Variants in MOGAT1 observed in about 807,000 individuals in gnomAD.
MOGAT1 encodes the protein 2-acylglycerol O-acyltransferase 1.
In MOGAT1, 32 loss-of-function variants were observed where a neutral mutation model predicts 31.4. That is an observed-to-expected ratio of 1.02 (90% confidence interval 0.77 to 1.37). MOGAT1 has a LOEUF of 1.37. Among genes scored for constraint, MOGAT1 ranks in the 40% most tolerant of loss-of-function variants. MOGAT1 has a pLI of 0.00. For synonymous variants in MOGAT1, 145 were observed against 144.5 expected (o/e 1.00, Z -0.03); for missense variants, 426 against 402.0 (o/e 1.06, Z -0.51).
At chr2:222,677,390 C>A (rs1249650624) in intron 1 of MOGAT1, among the ~76,000 whole-genome samples, 1 of 152,228 alleles carries the variant, frequency 6.6e-6, no homozygotes, top group African/African-American at 2.4e-5. Context: ...ACCATCCTGG[C>A]TAACACGGTG....
intron 1 of MOGAT1, 25 bp from the exon 2 acceptor site, chr2:222,688,319 C>T: frequency 6.3e-7 from 1 of 1,581,852 alleles, no homozygotes; most frequent in Non-Finnish European, 8.6e-7. Flanking sequence ...AGACTGATTC[C>T]ATGAGACTTT....
At chr2:222,709,673 G>A (rs552291651) in intron 5 of MOGAT1, 63 bp from the exon 6 acceptor site, 65 of 1,484,098 alleles carry the variant, frequency 4.4e-5, no homozygotes, top group Non-Finnish European at 8.3e-6. Context: ...TGTGCATTAG[G>A]GGCGGCGGTC....
At chr2:222,707,399 G>C (rs1339768851) in intron 5 of MOGAT1, among the ~76,000 whole-genome samples, 7 of 139,806 alleles carry the variant, frequency 5.0e-5, no homozygotes, top group Non-Finnish European at 1.1e-4. Flanking sequence ...AAGAGAAAGA[G>C]GGAGGGAAGG....
At chr2:222,704,162 G>C (rs1692970023) in intron 5 of MOGAT1, among the ~76,000 whole-genome samples, 1 of 152,200 alleles carries the variant, frequency 6.6e-6, no homozygotes, top group South Asian at 2.1e-4. Flanking sequence ...CTATTTCTAA[G>C]AGCAGCCTGA....
In MOGAT1 at chr2:222,689,347, T is replaced by C. The variant is rs748597036; in HGVS notation, c.356T>C (p.Phe119Ser). 2.5e-6 allele frequency: 4 copies of C among 1,613,912 alleles called. No individual in the cohort carries two copies. In the African/African-American group the frequency reaches 5.3e-5, roughly 22 times the overall value. Residue 119 changes from phenylalanine to serine, a missense_variant, in exon 3 of 6, where the codon TTT (phenylalanine) becomes TCT (serine). By Grantham distance (155) the Phe-to-Ser change is radical (BLOSUM62 -2). Transcript: ENST00000446656. ...CATGGAATAATGGCAGTTGGAGCCT[T>C]TGGGAATTTTTCTGTAAATTATTCT... Reference protein sequence around the residue: ...HPHGIMAVGAFGNFSVNYSDF... With the variant: ...HPHGIMAVGASGNFSVNYSDF...
intron 1 of MOGAT1, among the ~76,000 whole-genome samples, chr2:222,679,892 G>A (rs1225625603): frequency 3.9e-5 from 6 of 152,204 alleles, no homozygotes; most frequent in African/African-American, 1.4e-4. Context: ...CGTGTAATAA[G>A]GAAGTCTGCT....
intron 1 of MOGAT1, among the ~76,000 whole-genome samples, chr2:222,676,894 T>C (rs1340771870): frequency 6.6e-6 from 1 of 152,252 alleles, no homozygotes; most frequent in Non-Finnish European, 1.5e-5. Context: ...TGTACTTTAG[T>C]ATCTAAAAAT....
chr2:222,706,244 A>G (rs1376918069), intron 5 of MOGAT1, among the ~76,000 whole-genome samples: 1 of 152,202 alleles, frequency 6.6e-6, no homozygotes, highest in Admixed American at 6.5e-5. Flanking sequence ...AGGCCGAGGC[A>G]GGTGGATAAC....
At chr2:222,689,198 T>C (rs970366939) in intron 2 of MOGAT1, 67 bp from the exon 3 acceptor site, 1 of 1,350,530 alleles carries the variant, frequency 7.4e-7, no homozygotes, top group East Asian at 2.5e-5. Context: ...CTAGTCCTTT[T>C]GTTTCTCATT....
chr2:222,683,957 A>G (rs887835975), intron 1 of MOGAT1, among the ~76,000 whole-genome samples: 1 of 152,250 alleles, frequency 6.6e-6, no homozygotes, highest in African/African-American at 2.4e-5. Context: ...ACAATGTAAC[A>G]GCGTAGACCT....
chr2:222,705,504 G>C (rs1692992737), intron 5 of MOGAT1, among the ~76,000 whole-genome samples: 1 of 152,216 alleles, frequency 6.6e-6, no homozygotes, highest in South Asian at 2.1e-4. Flanking sequence ...CCCTTTTGCA[G>C]AAGGTGAAGT....
At chr2:222,690,923 A>T (rs897080348) in intron 3 of MOGAT1, among the ~76,000 whole-genome samples, 3 of 152,226 alleles carry the variant, frequency 2.0e-5, no homozygotes, top group African/African-American at 7.2e-5. Context: ...AAATGTTTAA[A>T]TTTCACAAAA....
At chr2:222,682,993 C>T (rs534641473) in intron 1 of MOGAT1, among the ~76,000 whole-genome samples, 3 of 152,196 alleles carry the variant, frequency 2.0e-5, no homozygotes, top group Non-Finnish European at 4.4e-5. Flanking sequence ...CGGTGGAGCG[C>T]AGGAGTTTGA....
chr2:222,689,390 T>C lies in MOGAT1; in HGVS notation c.399T>C (p.Phe133=), dbSNP rs369548652. 8.7e-6 allele frequency: 14 copies of C among 1,613,944 alleles called. No homozygotes were observed. The African/African-American group carries it at 1.1e-4, about 12-fold the overall frequency. Residue 133 remains phenylalanine (F), a synonymous_variant, in exon 3 of 6, where the codon TTT becomes TTC. Transcript: ENST00000446656. ...SVNYSDFKDL[F]PGFTSYLHVL... is the part of the protein sequence containing the mutation. ...ATTATTCTGACTTCAAGGACCTGTT[T>C]CCTGGCTTTACTTCATATCTTCACG... is the stretch of plus-strand genomic sequence containing the variant.
At chr2:222,697,889 T>A (rs75892206) in intron 5 of MOGAT1, among the ~76,000 whole-genome samples, 1 of 152,064 alleles carries the variant, frequency 6.6e-6, no homozygotes, top group African/African-American at 2.4e-5. Flanking sequence ...TTTTTTTTTT[T>A]CCTTCAGGTC....
At chr2:222,687,335 T>C (rs1047517574) in intron 1 of MOGAT1, among the ~76,000 whole-genome samples, 1 of 152,050 alleles carries the variant, frequency 6.6e-6, no homozygotes, top group Non-Finnish European at 1.5e-5. Context: ...AAATGAACCC[T>C]AGATTGGAGA....
At chr2:222,688,635 T>G (rs1692712906) in intron 2 of MOGAT1, 113 bp downstream of exon 2, 1 of 764,314 alleles carries the variant, frequency 1.3e-6, no homozygotes, top group East Asian at 2.8e-5. Flanking sequence ...TAGTCTGTTT[T>G]GTGCTGCTGT....
rs1692812585 is a variant in MOGAT1 at position 222,694,520 on chromosome 2, A to G, written c.637A>G (p.Ile213Val). The G allele has an allele frequency of 3.7e-6, 6 of 1,613,724 alleles. No individual in the cohort carries two copies. Among genetic ancestry groups the G allele is most frequent in the South Asian group, 2.2e-5 (2 of 91,030 alleles). Residue 213 changes from isoleucine to valine, a missense_variant, in exon 4 of 6, where the codon ATT becomes GTT. By Grantham distance (29) the Ile-to-Val change is conservative. Coordinates refer to ENST00000446656, the MANE Select transcript of MOGAT1 (RefSeq NM_058165.3). ...CCGCCAGCGGAAAGGATTTGTTAAA[A>G]TTGCTTTGACCCATGGGTAAGTGGC... ...FIRQRKGFVK[I>V]ALTHGASLVP...
At position 222,709,920 on chromosome 2, in the gene MOGAT1, AAAT is replaced by A. The variant is rs1693091245; in HGVS notation, c.*33_*35del. On this transcript the variant is annotated 3_prime_UTR_variant, in exon 6 of 6. Coordinates refer to ENST00000446656, the MANE Select transcript of MOGAT1 (RefSeq NM_058165.3). ...ACTATAAAAAAAAATTAAAAAATAAAAATAAATGACTTGGCTGTAATAAGGCAT... is the reference window on the plus strand; with the variant it reads ...ACTATAAAAAAAAATTAAAAAATAAAAAATGACTTGGCTGTAATAAGGCAT... 1 of 1,492,852 alleles carries A rather than the reference AAAT, an allele frequency of 6.7e-7. No homozygotes were observed. Among genetic ancestry groups the A allele is most frequent in the African/African-American group, 1.4e-5 (1 of 70,418 alleles). 92.5% of individuals were successfully genotyped at this position (1,492,852 alleles called of 1,614,324 possible).
Sources: gnomAD v4.1 joint callset for allele counts (sites outside exome capture counted in the v4.1 genomes callset) on GRCh38, gnomAD v4.1.1 for gene constraint, MANE v1.5 for transcripts, NCBI Gene and HGNC (gene_info 2026-07-23, HGNC 2026-07-21) for gene names.